LRFN5: variants seen among roughly 807,000 people sequenced by gnomAD.
The protein encoded by LRFN5 is leucine-rich repeat and fibronectin type-III domain-containing protein 5.
A neutral mutation model predicts 45.6 loss-of-function variants in LRFN5; 24 were observed. The ratio of observed to expected loss-of-function variants is 0.53; its 90% CI spans 0.38 to 0.74. The LOEUF (loss-of-function observed/expected upper bound fraction) is 0.74, where lower values mean the gene tolerates loss of function less well. Ranked by LOEUF, LRFN5 falls within the 30% of genes least tolerant of loss-of-function variation. The probability of loss-of-function intolerance (pLI) is 0.00; values close to 1 mark genes in which losing one functional copy is unlikely to be tolerated. For missense variants in LRFN5, 776 were observed against 861.5 expected (o/e 0.90, Z 1.24); for synonymous variants, 340 against 313.8 (o/e 1.08, Z -0.88).
rs561594467 is a variant in LRFN5, at chr14:41,853,317, T to C, written c.-20-33289T>C. Among the ~76,000 whole-genome samples, 154 of 152,174 alleles carry C rather than the reference T, an allele frequency of 1.0e-3. 2 individuals are homozygous for C. The highest frequency in any genetic ancestry group is 2.2e-4 in the Non-Finnish European group (15 of 67,956). ...CTGGATACAATAAGTGGAACATTGT[T>C]GTAGACAACAAAGATACCAGGTAGT... On this transcript the variant is annotated intron_variant, in intron 2 of 5. Coordinates refer to ENST00000298119, the MANE Select transcript of LRFN5 (RefSeq NM_152447.5).
At chr14:41,721,562 T>C (rs1438964610) in intron 1 of LRFN5, among the ~76,000 whole-genome samples, 2 of 152,298 alleles carry the variant, frequency 1.3e-5, no homozygotes, top group East Asian at 1.9e-4. Flanking sequence ...AAGGCTGATA[T>C]AGTGATAATG....
At chr14:41,624,165 T>C (rs1425896369) in intron 1 of LRFN5, among the ~76,000 whole-genome samples, 1 of 152,124 alleles carries the variant, frequency 6.6e-6, no homozygotes, top group African/African-American at 2.4e-5. Flanking sequence ...GGGTAGCACA[T>C]ACTCCATATA....
chr14:41,765,821 T>C (rs17781373), intron 1 of LRFN5, among the ~76,000 whole-genome samples: 1,930 of 152,302 alleles, frequency 0.013, 11 homozygotes, highest in Middle Eastern at 0.034. Flanking sequence ...GCCTTGATTT[T>C]TAGTATTTCT....
chr14:41,887,734 T>C lies in LRFN5; in HGVS notation c.1109T>C (p.Val370Ala), dbSNP rs750543172. 5 of 1,613,928 alleles carry C rather than the reference T, an allele frequency of 3.1e-6. No individual in the cohort carries two copies. Among genetic ancestry groups the C allele is most frequent in the African/African-American group, 1.3e-5 (1 of 74,912 alleles). The change falls in exon 3 of 6, where the codon GTG becomes GCG. Residue 370 changes from valine (V) to alanine (A), a missense_variant. Physicochemically the swap from Val to Ala is moderately conservative, Grantham distance 64. Around this residue, in one of 2 missense-constraint regions of LRFN5, gnomAD observed 465 missense variants for 456.4 expected, o/e 1.02. Transcript: ENST00000298119. This position sits in a 1 kb window ranked among gnomAD's most constrained non-coding sequence, Gnocchi z 4.8. ...SNPAGEATQIVDLHIIKLPHL... is the reference protein window; with the variant it reads ...SNPAGEATQIADLHIIKLPHL... ...CCTGCTGGGGAAGCAACACAAATAG[T>C]GGATCTTCATATAATTAAGCTCCCT...
intron 2 of LRFN5, among the ~76,000 whole-genome samples, chr14:41,815,931 G>A (rs1887901085): frequency 6.6e-6 from 1 of 151,952 alleles, no homozygotes; most frequent in Admixed American, 6.6e-5. Context: ...TATCATATTT[G>A]TTAGTGTTTT....
At chr14:41,836,793 G>A (rs1888676443) in intron 2 of LRFN5, among the ~76,000 whole-genome samples, 1 of 151,902 alleles carries the variant, frequency 6.6e-6, no homozygotes, top group Non-Finnish European at 1.5e-5. Context: ...TCCAAGAGTG[G>A]CATTTTATTC....
intron 2 of LRFN5, among the ~76,000 whole-genome samples, chr14:41,869,834 T>C (rs1450093798): frequency 5.3e-5 from 8 of 152,132 alleles, no homozygotes; most frequent in Admixed American, 4.6e-4. Flanking sequence ...TATCTCACAC[T>C]GGGTCCCTCG....
chr14:41,690,663 G>A (rs921454567), intron 1 of LRFN5, among the ~76,000 whole-genome samples: 17 of 152,206 alleles, frequency 1.1e-4, no homozygotes, highest in African/African-American at 3.6e-4. Flanking sequence ...GGACATCTAT[G>A]AAAAACCCAC....
rs76842004 is a variant in LRFN5, at chr14:41,866,901, C to T, written c.-20-19705C>T. On this transcript the variant is annotated intron_variant, in intron 2 of 5. Transcript: ENST00000298119. Reference sequence around the variant, plus strand: ...TTTGATTAGTGAATCCAGAATATGACCTAGATTATATTATTAGCTACATAA... The same window carrying T: ...TTTGATTAGTGAATCCAGAATATGATCTAGATTATATTATTAGCTACATAA... Among the ~76,000 whole-genome samples the T allele has an allele frequency of 6.0e-3, 920 of 152,084 alleles. 4 individuals are homozygous for T. The highest frequency in any genetic ancestry group is 0.034 in the Middle Eastern group (10 of 292).
At chr14:41,748,739 AGCCAGATGCGTATGG>A (rs1885017565) in intron 1 of LRFN5, among the ~76,000 whole-genome samples, 1 of 152,126 alleles carries the variant, frequency 6.6e-6, no homozygotes, top group Non-Finnish European at 1.5e-5. Flanking sequence ...GAATGGTGAA[AGCCAGATGCGTATGG>A]GCTTTTAATG....
At chr14:41,738,046 T>G (rs1884521026) in intron 1 of LRFN5, among the ~76,000 whole-genome samples, 1 of 152,128 alleles carries the variant, frequency 6.6e-6, no homozygotes, top group South Asian at 2.1e-4. Context: ...AAGACAATCT[T>G]AAATAAAAAG....
chr14:41,818,771 A>G (rs1289157055), intron 2 of LRFN5, among the ~76,000 whole-genome samples: 1 of 152,086 alleles, frequency 6.6e-6, no homozygotes, highest in Non-Finnish European at 1.5e-5. Flanking sequence ...TTGTGGGCAC[A>G]CTGCAGTTTT....
In LRFN5 at chr14:41,904,160, G is replaced by T. The variant is rs748614372; in HGVS notation, c.2145G>T (p.Arg715Ser). The T allele has an allele frequency of 4.4e-6, 7 of 1,600,922 alleles. No homozygotes were observed. The South Asian group carries it at 6.7e-5, about 15-fold the overall frequency. The change falls in exon 6 of 6, where the codon AGG becomes AGT. Residue 715 changes from arginine to serine, a missense_variant and splice_region_variant. Transcript: ENST00000298119. ...NVDQIVQETQRLELI is the reference protein window; with the variant it reads ...NVDQIVQETQSLELI ...TTTTTCTTTTTCTTTCATTTCAGAG[G>T]CTGGAGTTAATCTGAAGAGCACCAC...
At chr14:41,901,898 A>C (rs1382620144) in intron 5 of LRFN5, among the ~76,000 whole-genome samples, 1 of 152,030 alleles carries the variant, frequency 6.6e-6, no homozygotes, top group Non-Finnish European at 1.5e-5. Flanking sequence ...GAATAAACAC[A>C]TATGTAGGAA....
chr14:41,754,715 G>A (rs1412161535), intron 1 of LRFN5, among the ~76,000 whole-genome samples: 5 of 151,726 alleles, frequency 3.3e-5, no homozygotes, highest in African/African-American at 1.2e-4. Context: ...TCAAAAAACC[G>A]GCTCCTGGAT....
intron 1 of LRFN5, among the ~76,000 whole-genome samples, chr14:41,679,195 C>A (rs565804427): frequency 3.3e-5 from 5 of 152,258 alleles, no homozygotes; most frequent in African/African-American, 9.6e-5. Context: ...GACTGCAATT[C>A]CTGGGCAATT....
chr14:41,713,842 A>G (rs1001790808), intron 1 of LRFN5, among the ~76,000 whole-genome samples: 2 of 152,154 alleles, frequency 1.3e-5, no homozygotes, highest in Non-Finnish European at 2.9e-5. Flanking sequence ...TTCATGCCTT[A>G]TAACTTCATA....
chr14:41,674,989 C>G (rs192058492), intron 1 of LRFN5, among the ~76,000 whole-genome samples: 66 of 151,554 alleles, frequency 4.4e-4, no homozygotes, highest in African/African-American at 1.5e-3. Context: ...AGTCGCTCCC[C>G]ACATCTCAGA....
intron 1 of LRFN5, among the ~76,000 whole-genome samples, chr14:41,674,954 C>G (rs887791614): frequency 4.6e-5 from 7 of 151,530 alleles, no homozygotes; most frequent in Non-Finnish European, 1.0e-4. Context: ...GCGCTCCTCA[C>G]ATCCCAGACG....
Sources: gnomAD v4.1 joint callset for allele counts (sites outside exome capture counted in the v4.1 genomes callset) on GRCh38, gnomAD v4.1.1 for gene constraint, gnomAD v4.1.1 regional missense constraint, Gnocchi (gnomAD v3.1) non-coding constraint, MANE v1.5 for transcripts, NCBI Gene and HGNC (gene_info 2026-07-23, HGNC 2026-07-21) for gene names.